SUPT3H: variants seen among roughly 807,000 people sequenced by gnomAD.
SUPT3H encodes the protein transcription initiation protein SPT3 homolog.
In SUPT3H, 44 loss-of-function variants were observed where a neutral mutation model predicts 44.3. The ratio of observed to expected loss-of-function variants is 0.99; its 90% CI spans 0.78 to 1.28. The LOEUF is 1.28. Among genes scored for constraint, SUPT3H ranks in the 50% most tolerant of loss-of-function variants. SUPT3H has a pLI of 0.00. For missense variants in SUPT3H, 380 were observed against 387.1 expected (o/e 0.98, Z 0.15); for synonymous variants, 124 against 125.6 (o/e 0.99, Z 0.09).
intron 2 of SUPT3H, among the ~76,000 whole-genome samples, chr6:45,166,245 TTGCAC>T (rs1169213696): frequency 6.6e-6 from 1 of 152,058 alleles, no homozygotes; most frequent in East Asian, 1.9e-4. Context: ...GTGAGCGTGA[TTGCAC>T]TGCTGTACTT....
At chr6:44,855,498 T>C (rs1489965229) in intron 10 of SUPT3H, among the ~76,000 whole-genome samples, 1 of 152,186 alleles carries the variant, frequency 6.6e-6, no homozygotes, top group African/African-American at 2.4e-5. Context: ...ATCTTTTCAC[T>C]ACTTCTGTGC....
intron 9 of SUPT3H, among the ~76,000 whole-genome samples, chr6:44,938,108 T>C (rs747442661): frequency 3.3e-5 from 5 of 151,764 alleles, no homozygotes; most frequent in Non-Finnish European, 5.9e-5. Flanking sequence ...TTTTTTTTTT[T>C]ACCTGTGCTT....
rs1361573022 is a variant in SUPT3H, at chr6:45,336,184, T to TC, written c.101+29016_101+29017insG. Among the ~76,000 whole-genome samples the TC allele has an allele frequency of 2.6e-5, 3 of 114,658 alleles. 1 individual carries two copies. The highest frequency in any genetic ancestry group is 5.5e-4 in the South Asian group (2 of 3,638). 75.2% of individuals were successfully genotyped at this position (114,658 alleles called of 152,430 possible). ...TCTCTCTGTAATTTAGAAGGAAAAC[T>TC]TAACATTTTAAAAACTTTTTACCAC... On this transcript the variant is annotated intron_variant, in intron 2 of 10. Transcript: ENST00000371459.
intron 2 of SUPT3H, among the ~76,000 whole-genome samples, chr6:45,242,529 G>A (rs538721306): frequency 1.3e-5 from 2 of 152,182 alleles, no homozygotes; most frequent in African/African-American, 4.8e-5. Context: ...GTTCACACCA[G>A]TCAGAGTGTA....
chr6:45,360,851 A>G (rs1794128876), intron 2 of SUPT3H, among the ~76,000 whole-genome samples: 2 of 152,184 alleles, frequency 1.3e-5, no homozygotes, highest in African/African-American at 4.8e-5. Context: ...AGAGTTCCTC[A>G]TTCCCTCCTT....
intron 10 of SUPT3H, among the ~76,000 whole-genome samples, chr6:44,930,415 T>C (rs182923185): frequency 7.0e-4 from 105 of 150,706 alleles, no homozygotes; most frequent in Non-Finnish European, 1.4e-3. Context: ...TTACAAAAAT[T>C]AGTTGGGCAT....
chr6:44,841,033 C>T (rs1054245272), intron 10 of SUPT3H, among the ~76,000 whole-genome samples: 1 of 152,168 alleles, frequency 6.6e-6, no homozygotes, highest in Non-Finnish European at 1.5e-5. Context: ...CTGTCTGTCT[C>T]TGTGATGTGC....
intron 2 of SUPT3H, among the ~76,000 whole-genome samples, chr6:45,363,039 GTCT>G (rs1465489340): frequency 1.3e-5 from 2 of 151,156 alleles, no homozygotes; most frequent in Admixed American, 6.6e-5. Flanking sequence ...AATTTTTGTA[GTCT>G]TCTTCTTAAA....
chr6:45,227,401 A>T (rs1382571526), intron 2 of SUPT3H, among the ~76,000 whole-genome samples: 1 of 152,164 alleles, frequency 6.6e-6, no homozygotes, highest in African/African-American at 2.4e-5. Flanking sequence ...CTTCACAATT[A>T]TGTTTAACTT....
chr6:44,867,312 CAGTT>C lies in SUPT3H; in HGVS notation c.913-37459_913-37456del, dbSNP rs1177770520. ...GATTACAGGCAGGCATCATCACAGT[CAGTT>C]AATTTTCATATTTTTAGTAGATACA... On this transcript the variant is annotated intron_variant, in intron 10 of 10. Coordinates refer to ENST00000371459, the MANE Select transcript of SUPT3H (RefSeq NM_003599.4). Among the ~76,000 whole-genome samples the C allele has an allele frequency of 2.6e-5, 4 of 152,032 alleles. No individual in the cohort carries two copies. In the South Asian group the frequency reaches 6.2e-4, roughly 24 times the overall value.
At chr6:45,101,769 CAAT>C (rs1234913225) in intron 3 of SUPT3H, among the ~76,000 whole-genome samples, 1 of 151,772 alleles carries the variant, frequency 6.6e-6, no homozygotes, top group Admixed American at 6.6e-5. Context: ...TAAATATGTA[CAAT>C]TATTATGTGT....
intron 11 of SUPT3H, among the ~76,000 whole-genome samples, chr6:44,818,326 T>C (rs1767044474): frequency 6.6e-6 from 1 of 151,818 alleles, no homozygotes; most frequent in Non-Finnish European, 1.5e-5. Context: ...TCAAAATAAA[T>C]AGAAAACCTA....
intron 2 of SUPT3H, among the ~76,000 whole-genome samples, chr6:45,123,613 T>C (rs1260931117): frequency 6.6e-6 from 1 of 152,080 alleles, no homozygotes; most frequent in African/African-American, 2.4e-5. Flanking sequence ...AGATTATATA[T>C]ATATAATCTA....
At chr6:44,907,597 G>C (rs1355797537) in intron 10 of SUPT3H, among the ~76,000 whole-genome samples, 2 of 152,166 alleles carry the variant, frequency 1.3e-5, no homozygotes, top group Non-Finnish European at 2.9e-5. Context: ...AGAGTTGCTT[G>C]AACCTGGGAG....
intron 10 of SUPT3H, among the ~76,000 whole-genome samples, chr6:44,843,505 C>T (rs946133215): frequency 2.6e-5 from 4 of 152,036 alleles, no homozygotes; most frequent in African/African-American, 9.7e-5. Flanking sequence ...AAAGAATCTA[C>T]AGAAAACTTA....
intron 2 of SUPT3H, among the ~76,000 whole-genome samples, chr6:45,223,431 T>C (rs539128691): frequency 6.6e-6 from 1 of 152,108 alleles, no homozygotes; most frequent in African/African-American, 2.4e-5. Context: ...CCATATACTA[T>C]TGTAAAAGTT....
At chr6:45,057,852 G>A (rs1583293782) in intron 3 of SUPT3H, among the ~76,000 whole-genome samples, 1 of 151,960 alleles carries the variant, frequency 6.6e-6, no homozygotes, top group Non-Finnish European at 1.5e-5. Flanking sequence ...TCAGTCAGTA[G>A]GATCAAAAAC....
At chr6:44,878,002 C>T (rs184043554) in intron 10 of SUPT3H, among the ~76,000 whole-genome samples, 30 of 152,228 alleles carry the variant, frequency 2.0e-4, no homozygotes, top group East Asian at 1.9e-4. Flanking sequence ...TATGATATGC[C>T]GTTTCTTCAT....
chr6:44,813,972 C>T (rs889586511), intron 11 of SUPT3H, among the ~76,000 whole-genome samples: 4 of 152,010 alleles, frequency 2.6e-5, no homozygotes, highest in Non-Finnish European at 4.4e-5. Flanking sequence ...TATCCAGCCA[C>T]AGATTCAAGT....
Sources: allele counts gnomAD v4.1 joint callset (sites outside exome capture counted in the v4.1 genomes callset), GRCh38; gene constraint gnomAD v4.1.1; transcripts MANE v1.5; gene names NCBI Gene and HGNC (gene_info 2026-07-23, HGNC 2026-07-21).